The following DYTN variants were observed in gnomAD, a reference collection of about 807,000 sequenced individuals.
DYTN encodes dystrotelin.
DYTN carries 75 observed loss-of-function variants against 69.6 expected under a neutral mutation model. That is an observed-to-expected ratio of 1.08 (90% CI 0.89 to 1.31). The LOEUF is 1.31. Ranked by LOEUF, DYTN falls within the 50% of genes most tolerant of loss-of-function variation. The pLI, the probability that DYTN is intolerant of heterozygous loss-of-function variation, is 0.00. For synonymous variants in DYTN, 252 were observed against 249.1 expected (o/e 1.01, Z -0.11); for missense variants, 726 against 688.4 (o/e 1.05, Z -0.61).
At chr2:206,666,583 G>A (rs1215379622) in intron 9 of DYTN, among the ~76,000 whole-genome samples, 3 of 152,042 alleles carry the variant, frequency 2.0e-5, no homozygotes, top group Non-Finnish European at 4.4e-5. Flanking sequence ...AAGTACACCC[G>A]TCATGGCTAA....
chr2:206,705,166 G>A lies in DYTN; in HGVS notation c.383-223C>T, dbSNP rs190942293. 848 of 518,896 alleles carry A rather than the reference G, an allele frequency of 1.6e-3. 5 individuals are homozygous for A. The highest frequency in any genetic ancestry group is 0.015 in the African/African-American group (773 of 52,184). 32.1% of individuals were successfully genotyped at this position (518,896 alleles called of 1,614,324 possible). A position where few individuals can be genotyped will look rare whatever the true frequency, so the allele number is the denominator to read the frequency against. Reference sequence around the variant, plus strand: ...GGTTAGAGTGCAATGGCACAATCTTGGCTCACTGCAACCTCCACCTCCCGG... The same window carrying A: ...GGTTAGAGTGCAATGGCACAATCTTAGCTCACTGCAACCTCCACCTCCCGG... On this transcript the variant is annotated intron_variant, in intron 4 of 11. Transcript: ENST00000452335.
intron 9 of DYTN, among the ~76,000 whole-genome samples, chr2:206,689,279 A>G (rs941832257): frequency 3.3e-5 from 5 of 152,234 alleles, no homozygotes; most frequent in African/African-American, 1.2e-4. Context: ...GAACGAATTC[A>G]ATATTATCAC....
At chr2:206,683,575 C>A (rs1356110672) in intron 9 of DYTN, among the ~76,000 whole-genome samples, 2 of 151,878 alleles carry the variant, frequency 1.3e-5, no homozygotes, top group Non-Finnish European at 2.9e-5. Context: ...AACTCCTGGC[C>A]CCATGTGATT....
At chr2:206,694,289 C>G (rs1345589009) in intron 8 of DYTN, among the ~76,000 whole-genome samples, 2 of 152,050 alleles carry the variant, frequency 1.3e-5, no homozygotes, top group African/African-American at 4.8e-5. Context: ...CTTTTTCAGT[C>G]AACATTGAGA....
chr2:206,688,516 T>A (rs1281708676), intron 9 of DYTN, among the ~76,000 whole-genome samples: 1 of 152,220 alleles, frequency 6.6e-6, no homozygotes, highest in African/African-American at 2.4e-5. Flanking sequence ...CACAGAGCAC[T>A]ATCTGGTTTG....
intron 9 of DYTN, among the ~76,000 whole-genome samples, chr2:206,691,124 G>A (rs193237366): frequency 2.1e-4 from 32 of 152,218 alleles, no homozygotes; most frequent in African/African-American, 7.2e-4. Context: ...GCAAATAAGA[G>A]TATGGAGGCC....
intron 1 of DYTN, among the ~76,000 whole-genome samples, chr2:206,710,905 A>AATATAT (rs1384679195): frequency 6.6e-5 from 10 of 152,254 alleles, no homozygotes; most frequent in Admixed American, 2.0e-4. Flanking sequence ...CTACATGTAG[A>AATATAT]ATATAAATTC....
intron 9 of DYTN, among the ~76,000 whole-genome samples, chr2:206,678,766 C>T (rs557582323): frequency 9.9e-5 from 15 of 152,188 alleles, no homozygotes; most frequent in Admixed American, 3.9e-4. Flanking sequence ...GGGGTAATAG[C>T]GGATTATTTG....
intron 5 of DYTN, among the ~76,000 whole-genome samples, chr2:206,702,465 T>A (rs575590153): frequency 1.3e-5 from 2 of 152,262 alleles, no homozygotes; most frequent in African/African-American, 2.4e-5. Context: ...CAAACATTTG[T>A]GTAATAGTGA....
At chr2:206,716,300 C>A (rs1213508125) in intron 1 of DYTN, among the ~76,000 whole-genome samples, 1 of 152,204 alleles carries the variant, frequency 6.6e-6, no homozygotes, top group East Asian at 1.9e-4. Flanking sequence ...AGTGCTGAAC[C>A]AGGCCAGAGC....
chr2:206,675,506 G>A (rs1699677404), intron 9 of DYTN, among the ~76,000 whole-genome samples: 1 of 151,666 alleles, frequency 6.6e-6, no homozygotes, highest in Non-Finnish European at 1.5e-5. Context: ...AAATAATACA[G>A]TGGGAAAAGC....
chr2:206,689,850 C>A (rs147625338), intron 9 of DYTN, among the ~76,000 whole-genome samples: 1 of 152,114 alleles, frequency 6.6e-6, no homozygotes, highest in Non-Finnish European at 1.5e-5. Context: ...CTCCATCATG[C>A]GCTATACATT....
intron 11 of DYTN, among the ~76,000 whole-genome samples, chr2:206,661,115 A>C (rs1449904435): frequency 6.6e-6 from 1 of 152,342 alleles, no homozygotes; most frequent in Middle Eastern, 3.4e-3. Flanking sequence ...GGCCATATAA[A>C]GGCATGAGGG....
In DYTN at chr2:206,663,375, AC is replaced by A. The variant is rs1382649048; in HGVS notation, c.1160del (p.Gly387ValfsTer101). ...RDLQARLQPP[G>X]PSSSSFQNVG... ...CATTTTGAAAGGAAGAAGATGAAGG[AC>A]CGGGTGGCTGCAACCTTGCCTGGGG... is the stretch of plus-strand genomic sequence containing the variant. On this transcript the variant is annotated frameshift_variant, in exon 11 of 12. Transcript: ENST00000452335. LOFTEE classifies it high-confidence loss of function. The A allele has an allele frequency of 1.1e-5, 17 of 1,600,700 alleles. No individual in the cohort carries two copies. The Middle Eastern group carries it at 2.5e-3, about 236-fold the overall frequency.
chr2:206,656,764 C>CT (rs34895289), intron 11 of DYTN, among the ~76,000 whole-genome samples: 9,800 of 138,556 alleles, frequency 0.071, 441 homozygotes, highest in Non-Finnish European at 0.1. Flanking sequence ...TCTAAATAGT[C>CT]TTTTTTTTTT....
At position 206,694,749 on chromosome 2, in the gene DYTN, G is replaced by A. The variant is rs897842187; in HGVS notation, c.831+17C>T. On this transcript the variant is annotated intron_variant, in intron 8 of 11. Coordinates refer to ENST00000452335, the MANE Select transcript of DYTN (RefSeq NM_001093730.1). ...AATTGATTAATGAATAGTTTGGTAT[G>A]TGACATTAAATGTTACCTGAATGCA... is the stretch of plus-strand genomic sequence containing the variant. The A allele has an allele frequency of 3.8e-6, 6 of 1,575,736 alleles. No homozygotes were observed. The highest frequency in any genetic ancestry group is 1.9e-5 in the Admixed American group (1 of 52,452).
intron 9 of DYTN, among the ~76,000 whole-genome samples, chr2:206,675,637 T>G (rs940908658): frequency 6.6e-6 from 1 of 152,096 alleles, no homozygotes; most frequent in African/African-American, 2.4e-5. Flanking sequence ...AAAAGATGTT[T>G]CCACATCAAC....
intron 3 of DYTN, among the ~76,000 whole-genome samples, chr2:206,706,777 G>A (rs74831804): frequency 0.038 from 5,808 of 151,712 alleles, 357 homozygotes; most frequent in African/African-American, 0.13. Flanking sequence ...AAAAACACAC[G>A]CACCCCTACC....
At chr2:206,662,799 A>G (rs1193722871) in intron 11 of DYTN, 104 bp downstream of exon 11, 1 of 1,488,846 alleles carries the variant, frequency 6.7e-7, no homozygotes, top group Non-Finnish European at 9.0e-7. Flanking sequence ...GCACTGCTAC[A>G]TACTAGATGA....
Sources: allele counts gnomAD v4.1 joint callset (sites outside exome capture counted in the v4.1 genomes callset), GRCh38; gene constraint gnomAD v4.1.1; transcripts MANE v1.5; gene names NCBI Gene and HGNC (gene_info 2026-07-23, HGNC 2026-07-21).